Variants in SYTL3 observed in about 807,000 individuals in gnomAD.
SYTL3 encodes the protein synaptotagmin-like protein 3.
Under a neutral mutation model 82.1 loss-of-function variants are expected in SYTL3, and 88 were observed. The observed-to-expected ratio is 1.07, with a 90% CI of 0.90 to 1.28. The LOEUF (loss-of-function observed/expected upper bound fraction) is 1.28. Ranked by LOEUF, SYTL3 falls within the 50% of genes most tolerant of loss-of-function variation. SYTL3 has a pLI of 0.00. For missense variants in SYTL3, 831 were observed against 757.6 expected, an observed-to-expected ratio of 1.10 and a Z score of -1.14; for synonymous variants, 311 against 289.4, an observed-to-expected ratio of 1.07 and a Z score of -0.76.
intron 11 of SYTL3, among the ~76,000 whole-genome samples, chr6:158,728,374 A>T (rs770337901): frequency 7.9e-5 from 12 of 152,160 alleles, no homozygotes; most frequent in Admixed American, 2.0e-4. Flanking sequence ...GTTGTATCCC[A>T]CAGTGACTTT....
chr6:158,683,076 A>G lies in SYTL3; in HGVS notation c.394+87A>G. The G allele has an allele frequency of 5.2e-6, 5 of 962,632 alleles. No homozygotes were observed. The South Asian group carries it at 5.6e-5, about 11-fold the overall frequency. 59.6% of individuals were successfully genotyped at this position (962,632 alleles called of 1,614,324 possible). On this transcript the variant is annotated intron_variant, in intron 6 of 17. Coordinates refer to ENST00000611299, the MANE Select transcript of SYTL3 (RefSeq NM_001242394.2). Reference sequence around the variant, plus strand: ...ATGTTAAGACTTTGGAATATAAGCAACATGATGGGTGTAGTCTGCGGGCCC... The same window carrying G: ...ATGTTAAGACTTTGGAATATAAGCAGCATGATGGGTGTAGTCTGCGGGCCC...
chr6:158,702,281 G>A (rs549508425), intron 6 of SYTL3, among the ~76,000 whole-genome samples: 27 of 147,886 alleles, frequency 1.8e-4, no homozygotes, highest in African/African-American at 5.3e-4. Context: ...AACCAAGATC[G>A]CGCTATTGTA....
In SYTL3 at chr6:158,763,345, C is replaced by T. The variant is rs766062802; in HGVS notation, c.1559C>T (p.Ser520Leu). 89 of 1,614,070 alleles carry T rather than the reference C, an allele frequency of 5.5e-5. No individual in the cohort carries two copies. Among genetic ancestry groups the T allele is most frequent in the Non-Finnish European group, 6.9e-5 (82 of 1,180,046 alleles). ...GACCAACAAAAACTGAGACTGAAGT[C>T]GCCAGTCCTGAGGAAGCAGGCTTGC... ...LPDQQKLRLK[S>L]PVLRKQACPQ... The change falls in exon 17 of 18, where the codon TCG becomes TTG. Residue 520 changes from serine (S) to leucine (L), a missense_variant. Physicochemically the swap from Ser to Leu is moderately radical, Grantham distance 145 (BLOSUM62 -2). Transcript: ENST00000611299.
chr6:158,668,437 C>A (rs1790358783), intron 5 of SYTL3, among the ~76,000 whole-genome samples: 1 of 152,166 alleles, frequency 6.6e-6, no homozygotes, highest in Admixed American at 6.5e-5. Context: ...CCATGTTGGC[C>A]AGGCTGGCCT....
chr6:158,764,218 A>G (rs532137129), intron 17 of SYTL3, among the ~76,000 whole-genome samples: 25 of 152,268 alleles, frequency 1.6e-4, no homozygotes, highest in Non-Finnish European at 3.1e-4. Flanking sequence ...CTTGGTGAAG[A>G]CCCAGCCCAC....
intron 11 of SYTL3, among the ~76,000 whole-genome samples, chr6:158,735,342 T>A (rs1786010350): frequency 6.6e-6 from 1 of 152,328 alleles, no homozygotes; most frequent in East Asian, 1.9e-4. Context: ...ACATGGATGA[T>A]GTTAATTTTA....
chr6:158,664,929 T>G (rs1222984635), intron 4 of SYTL3, among the ~76,000 whole-genome samples: 1 of 152,146 alleles, frequency 6.6e-6, no homozygotes, highest in East Asian at 1.9e-4. Flanking sequence ...AGCAAAAGCA[T>G]AGCATCAGTT....
chr6:158,725,967 C>T, intron 11 of SYTL3: 3 of 671,528 alleles, frequency 4.5e-6, no homozygotes, highest in Non-Finnish European at 8.5e-6. Context: ...CGGTCAGCTT[C>T]TTCCAAGTGG....
intron 8 of SYTL3, among the ~76,000 whole-genome samples, chr6:158,711,561 A>C (rs571903823): frequency 6.6e-6 from 1 of 152,280 alleles, no homozygotes; most frequent in South Asian, 2.1e-4. Context: ...AGACCCCAAG[A>C]AACGGTTCTT....
chr6:158,683,554 A>G (rs538543084), intron 6 of SYTL3, among the ~76,000 whole-genome samples: 3 of 152,232 alleles, frequency 2.0e-5, no homozygotes, highest in African/African-American at 4.8e-5. Context: ...GTGCACTACA[A>G]GGTTTCCCTG....
chr6:158,661,984 T>G (rs1789431782), intron 3 of SYTL3, among the ~76,000 whole-genome samples: 1 of 152,220 alleles, frequency 6.6e-6, no homozygotes, highest in African/African-American at 2.4e-5. Context: ...TTTATGCGTT[T>G]AAATACGTAG....
At chr6:158,701,141 C>CATGGAGGAGGTGAGCTGGGGTGTAG (rs1372650234) in intron 6 of SYTL3, among the ~76,000 whole-genome samples, 7 of 145,578 alleles carry the variant, frequency 4.8e-5, no homozygotes, top group African/African-American at 1.8e-4. Context: ...TTAGAAGGGT[C>CATGGAGGAGGTGAGCTGGGGTGTAG]ATGGAGGAGG....
chr6:158,720,180 T>C (rs1193967997), intron 10 of SYTL3, among the ~76,000 whole-genome samples: 3 of 152,054 alleles, frequency 2.0e-5, no homozygotes, highest in Non-Finnish European at 4.4e-5. Context: ...AGTGGGTGGA[T>C]CACCTGAGTT....
chr6:158,764,387 G>A (rs1225676276), intron 17 of SYTL3, 108 bp from the exon 18 acceptor site: 30 of 765,510 alleles, frequency 3.9e-5, no homozygotes, highest in Non-Finnish European at 2.2e-6. Flanking sequence ...GCCTTTTAAT[G>A]TGGACTTGAG....
rs780686994 is a variant in SYTL3, at chr6:158,764,759, T to C, written c.*155T>C. On this transcript the variant is annotated 3_prime_UTR_variant, in exon 18 of 18. Coordinates refer to ENST00000611299, the MANE Select transcript of SYTL3 (RefSeq NM_001242394.2). ...GTCCCATGGCTTAACCGCCTATTGG[T>C]ATCTGTGTATATTTACGTTAAACAC... 2.4e-5 allele frequency: 14 copies of C among 577,990 alleles called. No individual in the cohort carries two copies. The Middle Eastern group carries it at 1.6e-3, about 67-fold the overall frequency. The allele number at this position is 577,990 out of a possible 1,614,324, so 35.8% of individuals were successfully genotyped here. A position where few individuals can be genotyped will look rare whatever the true frequency, so the allele number is the denominator to read the frequency against.
intron 5 of SYTL3, among the ~76,000 whole-genome samples, chr6:158,670,717 G>C (rs757355150): frequency 7.5e-4 from 114 of 152,100 alleles, no homozygotes; most frequent in Non-Finnish European, 1.5e-3. Flanking sequence ...GGGGGGCGAA[G>C]GTTGCAATGA....
rs1790271831 is a variant in SYTL3 at position 158,763,387 on chromosome 6, CATTT to C, written c.1602_1605del (p.Phe535SerfsTer5). ...CAGGCTTGCCCCCAGTGGAAACACTCATTTGTCTTCAGTGGCGTAACCCCAGCTC... is the reference window on the plus strand; with the variant it reads ...CAGGCTTGCCCCCAGTGGAAACACTCGTCTTCAGTGGCGTAACCCCAGCTC... On this transcript the variant is annotated frameshift_variant, in exon 17 of 18. Transcript: ENST00000611299. LOFTEE classifies it high-confidence loss of function. 20 of 1,614,086 alleles carry C rather than the reference CATTT, an allele frequency of 1.2e-5. No homozygotes were observed. Among genetic ancestry groups the C allele is most frequent in the Non-Finnish European group, 1.6e-5 (19 of 1,180,046 alleles).
intron 11 of SYTL3, 52 bp from the exon 12 acceptor site, chr6:158,745,428 A>T: frequency 6.6e-7 from 1 of 1,510,942 alleles, no homozygotes; most frequent in African/African-American, 1.4e-5. Flanking sequence ...CAGAACATCA[A>T]AAAAGTGAAT....
rs35026438 is a variant in SYTL3, at chr6:158,739,994, C to CTTTTTTT, written c.856-5472_856-5466dup. Among the ~76,000 whole-genome samples the CTTTTTTT allele has an allele frequency of 3.9e-4, 41 of 105,560 alleles. 2 individuals are homozygous for CTTTTTTT. The highest frequency in any genetic ancestry group is 4.2e-4 in the Non-Finnish European group (23 of 54,536). 69.3% of individuals were successfully genotyped at this position (105,560 alleles called of 152,430 possible). On this transcript the variant is annotated intron_variant, in intron 11 of 17. Transcript: ENST00000611299. ...GTTGCCTTACTTTTTAGGCAACTTA[C>CTTTTTTT]TTTTTTTTTTTTTTTTTTTTGAGTT...
Sources: gnomAD v4.1 joint callset for allele counts (sites outside exome capture counted in the v4.1 genomes callset) on GRCh38, gnomAD v4.1.1 for gene constraint, MANE v1.5 for transcripts, NCBI Gene and HGNC (gene_info 2026-07-23, HGNC 2026-07-21) for gene names.